TRMT9B: variants seen among roughly 807,000 people sequenced by gnomAD.
TRMT9B encodes the protein probable tRNA methyltransferase 9B.
Under a neutral mutation model 11.5 loss-of-function variants are expected in TRMT9B, and 16 were observed. The observed-to-expected ratio is 1.39, with a 90% CI of 0.94 to 2.11. TRMT9B has a LOEUF of 2.11. Ranked by LOEUF, TRMT9B falls within the 30% of genes most tolerant of loss-of-function variation. The probability of loss-of-function intolerance (pLI) is 0.00; values close to 1 mark genes in which losing one functional copy is unlikely to be tolerated. For synonymous variants in TRMT9B, 274 were observed against 192.4 expected (o/e 1.42, Z -3.51); for missense variants, 941 against 553.8 (o/e 1.70, Z -7.02).
In TRMT9B at chr8:12,962,889, C is replaced by T. The variant is rs183828186; in HGVS notation, c.-200+16923C>T. On this transcript the variant is annotated intron_variant, in intron 1 of 4. Transcript: ENST00000524591. ...ATCCTACCACTGGCACAGCTAACAG[C>T]TGACTGACTTCACGCTGTGGCTGTG... is the stretch of plus-strand genomic sequence containing the variant. Among the ~76,000 whole-genome samples the T allele has an allele frequency of 5.4e-3, 818 of 152,298 alleles. 18 individuals carry two copies. The highest frequency in any genetic ancestry group is 0.047 in the Admixed American group (725 of 15,290).
chr8:13,022,974 C>T lies in TRMT9B; in HGVS notation c.*930C>T, dbSNP rs1373095652. 6.0e-6 allele frequency: 1 copy of T among 166,582 alleles called. No individual in the cohort carries two copies. The highest frequency in any genetic ancestry group is 2.1e-4 in the South Asian group (1 of 4,834). The allele number at this position is 166,582 out of a possible 1,614,324, so 10.3% of individuals were successfully genotyped here. ...CTGCAGCCTGGGCAACATAGCAAGACTCTGTCTCAAAATAATAATAATAAT... is the reference window on the plus strand; with the variant it reads ...CTGCAGCCTGGGCAACATAGCAAGATTCTGTCTCAAAATAATAATAATAAT... On this transcript the variant is annotated 3_prime_UTR_variant, in exon 5 of 5. Transcript: ENST00000524591.
At chr8:12,957,047 G>A (rs1055648848) in intron 1 of TRMT9B, among the ~76,000 whole-genome samples, 7 of 152,286 alleles carry the variant, frequency 4.6e-5, no homozygotes, top group African/African-American at 1.7e-4. Flanking sequence ...ATAACAATAA[G>A]GTTATGATAG....
chr8:12,988,341 A>C (rs1450500604), intron 1 of TRMT9B, among the ~76,000 whole-genome samples: 1 of 152,242 alleles, frequency 6.6e-6, no homozygotes, highest in East Asian at 1.9e-4. Flanking sequence ...AACACTGTTT[A>C]GATCCATGAT....
chr8:12,955,662 A>G (rs76259735), intron 1 of TRMT9B, among the ~76,000 whole-genome samples: 4,199 of 152,222 alleles, frequency 0.028, 87 homozygotes, highest in Admixed American at 0.044. Flanking sequence ...GCTGTATCGA[A>G]TGTGCTCATT....
intron 1 of TRMT9B, among the ~76,000 whole-genome samples, chr8:12,977,108 TC>T (rs2128871205): frequency 6.6e-6 from 1 of 152,318 alleles, no homozygotes; most frequent in South Asian, 2.1e-4. Context: ...AAATGTCTAC[TC>T]TATTGAATCC....
intron 1 of TRMT9B, among the ~76,000 whole-genome samples, chr8:12,955,038 G>C (rs1295614216): frequency 6.6e-6 from 1 of 152,212 alleles, no homozygotes; most frequent in Non-Finnish European, 1.5e-5. Context: ...TTTATAATAA[G>C]AAGTAGGAGT....
At chr8:12,979,076 G>A (rs760335721) in intron 1 of TRMT9B, among the ~76,000 whole-genome samples, 3 of 152,294 alleles carry the variant, frequency 2.0e-5, no homozygotes, top group Non-Finnish European at 2.9e-5. Flanking sequence ...GGGAGGGAAC[G>A]TGGTGGTGTG....
intron 1 of TRMT9B, among the ~76,000 whole-genome samples, chr8:12,975,386 T>G (rs540322587): frequency 9.9e-5 from 15 of 152,222 alleles, no homozygotes; most frequent in Middle Eastern, 3.4e-3. Context: ...AATTTAGAAC[T>G]TATTAATTGC....
At chr8:13,018,632 C>G (rs1813252389) in intron 4 of TRMT9B, among the ~76,000 whole-genome samples, 3 of 151,954 alleles carry the variant, frequency 2.0e-5, no homozygotes. Context: ...ATATAGAATC[C>G]CAAGAGGCAT....
chr8:12,994,335 G>GA (rs1807943559), intron 2 of TRMT9B, among the ~76,000 whole-genome samples: 1 of 152,048 alleles, frequency 6.6e-6, no homozygotes, highest in African/African-American at 2.4e-5. Context: ...CTAATGTTTT[G>GA]AAAAAAATAA....
chr8:12,999,059 G>A (rs990080060), intron 2 of TRMT9B, among the ~76,000 whole-genome samples: 2 of 152,056 alleles, frequency 1.3e-5, no homozygotes, highest in Admixed American at 1.3e-4. Flanking sequence ...CTAGCACTTT[G>A]GTAGGCCAAG....
chr8:12,969,180 C>G (rs1803238949), intron 1 of TRMT9B, among the ~76,000 whole-genome samples: 1 of 152,080 alleles, frequency 6.6e-6, no homozygotes, highest in African/African-American at 2.4e-5. Flanking sequence ...GCACTCCAGC[C>G]TAGGCAAGAG....
rs144777650 is a variant in TRMT9B at position 12,979,158 on chromosome 8, A to G, written c.-199-11676A>G. ...GGGAATGGCAGGCCTATGAGGAAGT[A>G]AGCGTTGTCCTTTTCAGGGGAGTGA... On this transcript the variant is annotated intron_variant, in intron 1 of 4. Coordinates refer to ENST00000524591, the MANE Select transcript of TRMT9B (RefSeq NM_020844.3). Among the ~76,000 whole-genome samples, 870 of 152,294 alleles carry G rather than the reference A, an allele frequency of 5.7e-3. 11 individuals carry two copies. Among genetic ancestry groups the G allele is most frequent in the African/African-American group, 0.02 (831 of 41,564 alleles).
rs377109904 is a variant in TRMT9B, at chr8:13,021,368, C to T, written c.689C>T (p.Ser230Phe). Residue 230 changes from serine (S) to phenylalanine (F), a missense_variant, in exon 5 of 5, where the codon TCT (serine) becomes TTT (phenylalanine). Physicochemically the swap from Ser to Phe is radical, Grantham distance 155 (BLOSUM62 -2). Coordinates refer to ENST00000524591, the MANE Select transcript of TRMT9B (RefSeq NM_020844.3). ...GCAAGAACCTGTTTTGCAAATATTT[C>T]TAAGGAAGGCGAGGAAGAATATGGA... ...AMARTCFANISKEGEEEYGFY... is the reference protein window; with the variant it reads ...AMARTCFANIFKEGEEEYGFY... The T allele has an allele frequency of 6.2e-7, 1 of 1,614,042 alleles. No homozygotes were observed. Among genetic ancestry groups the T allele is most frequent in the African/African-American group, 1.3e-5 (1 of 75,060 alleles).
intron 1 of TRMT9B, among the ~76,000 whole-genome samples, chr8:12,962,385 C>A (rs1032682119): frequency 1.3e-5 from 2 of 152,208 alleles, no homozygotes; most frequent in African/African-American, 4.8e-5. Flanking sequence ...AGTTTGTCTA[C>A]TTGTTAAAAT....
intron 1 of TRMT9B, among the ~76,000 whole-genome samples, chr8:12,970,508 G>A (rs192047908): frequency 6.6e-6 from 1 of 152,198 alleles, no homozygotes; most frequent in Non-Finnish European, 1.5e-5. Context: ...CCGTTGTTCA[G>A]ATCTAGAGCA....
chr8:12,994,545 T>C (rs562173623), intron 2 of TRMT9B, among the ~76,000 whole-genome samples: 29 of 152,318 alleles, frequency 1.9e-4, no homozygotes, highest in Admixed American at 8.5e-4. Flanking sequence ...CTTAGCTATG[T>C]TGGAATTCTC....
intron 3 of TRMT9B, chr8:13,006,895 C>T (rs1475237999): frequency 6.1e-6 from 1 of 164,290 alleles, no homozygotes; most frequent in Non-Finnish European, 1.3e-5. Flanking sequence ...TCTCAAACTC[C>T]TGACCTCAGA....
At chr8:12,950,575 G>A (rs1279955725) in intron 1 of TRMT9B, among the ~76,000 whole-genome samples, 4 of 119,202 alleles carry the variant, frequency 3.4e-5, no homozygotes, top group Non-Finnish European at 8.0e-5. Context: ...TTGAATGTGA[G>A]GCCTTTACAG....
Sources: gnomAD v4.1 joint callset for allele counts (sites outside exome capture counted in the v4.1 genomes callset) on GRCh38, gnomAD v4.1.1 for gene constraint, MANE v1.5 for transcripts, NCBI Gene and HGNC (gene_info 2026-07-23, HGNC 2026-07-21) for gene names.